CCNB3: variants seen among roughly 807,000 people sequenced by gnomAD.
CCNB3 encodes the protein G2/mitotic-specific cyclin-B3.
Under a neutral mutation model 68.0 loss-of-function variants are expected in CCNB3, and 12 were observed. That is an observed-to-expected ratio of 0.18 (90% CI 0.11 to 0.29). The LOEUF (loss-of-function observed/expected upper bound fraction) is 0.29. Among genes scored for constraint, CCNB3 ranks in the 10% least tolerant of loss-of-function variants. The pLI is 1.00. For missense variants in CCNB3, 904 were observed against 993.1 expected (o/e 0.91, Z 1.21); for synonymous variants, 354 against 388.9 (o/e 0.91, Z 1.06).
chrX:50,292,637 C>T (rs781879926), intron 4 of CCNB3, among the ~76,000 whole-genome samples: 7 of 111,099 alleles, frequency 6.3e-5, no homozygotes, highest in Non-Finnish European at 1.3e-4. Flanking sequence ...ACATACTGTA[C>T]AAGCATGAGC....
chrX:50,285,035 A>C (rs1157767831), intron 2 of CCNB3, 92 bp from the exon 3 acceptor site: 1 of 492,895 alleles, frequency 2.0e-6, no homozygotes, highest in Admixed American at 3.2e-5. Context: ...TCTCCTAGGG[A>C]TGCTATAGAT....
At chrX:50,217,538 C>T (rs1382424908) in intron 1 of CCNB3, among the ~76,000 whole-genome samples, 1 of 110,881 alleles carries the variant, frequency 9.0e-6, no homozygotes, top group African/African-American at 3.3e-5. Flanking sequence ...TCCCAAAGTG[C>T]TGGGATTACA....
rs1300681722 is a variant in CCNB3, at chrX:50,349,922, T to C, written c.3961-1319T>C. 3.6e-5 allele frequency among the ~76,000 whole-genome samples: 4 copies of C among 111,743 alleles called. No homozygotes were observed. In the East Asian group the frequency reaches 1.1e-3, roughly 31 times the overall value. On this transcript the variant is annotated intron_variant, in intron 11 of 12. Transcript: ENST00000376042. ...AAATCCTCTTCCTTTCTCTGTCTGT[T>C]GAGCTCCCCACTTAACCAACCATTG...
chrX:50,227,545 TAG>T (rs1381690861), intron 1 of CCNB3, among the ~76,000 whole-genome samples: 2 of 87,394 alleles, frequency 2.3e-5, no homozygotes, highest in East Asian at 3.2e-4. Flanking sequence ...TATAAATATA[TAG>T]AGAGAGATAT....
rs1214610373 is a variant in CCNB3 at position 50,226,873 on chromosome X, A to T, written c.-113+21923A>T. Among the ~76,000 whole-genome samples, 182 of 65,354 alleles carry T rather than the reference A, an allele frequency of 2.8e-3. 5 individuals are homozygous for T. Among genetic ancestry groups the T allele is most frequent in the African/African-American group, 0.011 (143 of 12,523 alleles). 56.8% of individuals were successfully genotyped at this position (65,354 alleles called of 115,157 possible). A position where few individuals can be genotyped will look rare whatever the true frequency, so the allele number is the denominator to read the frequency against. On this transcript the variant is annotated intron_variant, in intron 1 of 12. Coordinates refer to ENST00000376042, the MANE Select transcript of CCNB3 (RefSeq NM_033031.3). ...TATAGAATATATATAGAATATATAG[A>T]ATATATATAGAATATATAGTATATA... is the stretch of plus-strand genomic sequence containing the variant.
intron 9 of CCNB3, among the ~76,000 whole-genome samples, chrX:50,345,253 T>G (rs1177183240): frequency 9.3e-6 from 1 of 108,069 alleles, no homozygotes; most frequent in Non-Finnish European, 1.9e-5. Context: ...TGCTCCCTCC[T>G]CCCTTCCTCC....
At chrX:50,295,301 T>TAAAAA (rs1557210727) in intron 5 of CCNB3, among the ~76,000 whole-genome samples, 1 of 111,660 alleles carries the variant, frequency 9.0e-6, no homozygotes, top group East Asian at 2.8e-4. Flanking sequence ...CTTTATAGTG[T>TAAAAA]GGAGACAACT....
At chrX:50,312,014 G>GT (rs1443072228) in intron 6 of CCNB3, among the ~76,000 whole-genome samples, 1 of 110,243 alleles carries the variant, frequency 9.1e-6, no homozygotes, top group Non-Finnish European at 1.9e-5. Flanking sequence ...GTGGGCTTTG[G>GT]TAAAAAATGG....
At chrX:50,346,621 G>T (rs782286272) in intron 9 of CCNB3, 31 bp from the exon 10 acceptor site, 1 of 1,189,593 alleles carries the variant, frequency 8.4e-7, no homozygotes, top group Admixed American at 2.2e-5. Flanking sequence ...TTGTCTGTCT[G>T]GTTGTCACCT....
chrX:50,340,589 A>T (rs1171088018), intron 8 of CCNB3, among the ~76,000 whole-genome samples: 1 of 112,684 alleles, frequency 8.9e-6, no homozygotes, highest in Non-Finnish European at 1.9e-5. Context: ...CAAGCTGTGC[A>T]TTCTGGCTGT....
At position 50,342,099 on chromosome X, in the gene CCNB3, GACTGTTCTTGATGTTGCAGAT is replaced by G. The variant is rs1923173174; in HGVS notation, c.3517-99_3517-79del. On this transcript the variant is annotated intron_variant, in intron 8 of 12. Transcript: ENST00000376042. ...TCGTAGCAGAGTCCCAGCTAGTCAG[GACTGTTCTTGATGTTGCAGAT>G]ACTCCAGGTAGCTAGATCTGTCTGG... 33 of 958,465 alleles carry G rather than the reference GACTGTTCTTGATGTTGCAGAT, an allele frequency of 3.4e-5. No individual in the cohort carries two copies. In the South Asian group the frequency reaches 6.7e-4, roughly 19 times the overall value. 79.0% of individuals were successfully genotyped at this position (958,465 alleles called of 1,213,427 possible).
At chrX:50,226,190 A>AATATATATATTCTATATATATTT (rs1178932680) in intron 1 of CCNB3, among the ~76,000 whole-genome samples, 2 of 28,647 alleles carry the variant, frequency 7.0e-5, no homozygotes, top group Non-Finnish European at 1.5e-4. Flanking sequence ...TAGATATATA[A>AATATATATATTCTATATATATTT]ATATATATAG....
chrX:50,279,929 A>C (rs1227814235), intron 1 of CCNB3, among the ~76,000 whole-genome samples: 1 of 87,025 alleles, frequency 1.1e-5, no homozygotes, highest in Non-Finnish European at 2.1e-5. Flanking sequence ...ATATAGAATA[A>C]ATATGTATTT....
At chrX:50,318,895 A>G (rs1194770240) in intron 8 of CCNB3, among the ~76,000 whole-genome samples, 4 of 111,550 alleles carry the variant, frequency 3.6e-5, no homozygotes, top group African/African-American at 1.3e-4. Context: ...CTAGGCACAG[A>G]GTGTTTACTT....
At chrX:50,313,020 G>T (rs899074167) in intron 7 of CCNB3, among the ~76,000 whole-genome samples, 37 of 111,099 alleles carry the variant, frequency 3.3e-4, no homozygotes, top group African/African-American at 1.2e-3. Context: ...CTGAGTGGCT[G>T]TTCTTAGAGA....
chrX:50,313,695 A>G (rs1921582929), intron 7 of CCNB3, among the ~76,000 whole-genome samples, 161 bp from the exon 8 acceptor site: 1 of 112,274 alleles, frequency 8.9e-6, no homozygotes, highest in South Asian at 3.7e-4. Context: ...TTCCCAAAGC[A>G]TAACTGCAAC....
At chrX:50,298,012 T>C (rs373164647) in intron 5 of CCNB3, among the ~76,000 whole-genome samples, 2 of 111,782 alleles carry the variant, frequency 1.8e-5, no homozygotes, top group African/African-American at 3.3e-5. Context: ...AGTTGCTTAT[T>C]AGCTTAAGGA....
chrX:50,334,981 C>T (rs1223752171), intron 8 of CCNB3, among the ~76,000 whole-genome samples: 1 of 112,109 alleles, frequency 8.9e-6, no homozygotes, highest in African/African-American at 3.2e-5. Context: ...TACCTGCTGT[C>T]TGCAGATCTG....
chrX:50,334,976 G>A, intron 8 of CCNB3, among the ~76,000 whole-genome samples: 1 of 112,031 alleles, frequency 8.9e-6, no homozygotes, highest in East Asian at 2.8e-4. Context: ...TAGTGTACCT[G>A]CTGTCTGCAG....
Sources: gnomAD v4.1 joint callset for allele counts (sites outside exome capture counted in the v4.1 genomes callset) on GRCh38, gnomAD v4.1.1 for gene constraint, MANE v1.5 for transcripts, NCBI Gene and HGNC (gene_info 2026-07-23, HGNC 2026-07-21) for gene names.